ZNF536: variants seen among roughly 807,000 people sequenced by gnomAD.
ZNF536 encodes the protein zinc finger protein 536.
ZNF536 carries 13 observed loss-of-function variants against 84.5 expected under a neutral mutation model. The observed-to-expected ratio is 0.15, with a 90% CI of 0.10 to 0.24. The LOEUF (loss-of-function observed/expected upper bound fraction) is 0.24, where lower values mean the gene tolerates loss of function less well. Among genes scored for constraint, ZNF536 ranks in the 10% least tolerant of loss-of-function variants. The pLI, the probability that ZNF536 is intolerant of heterozygous loss-of-function variation, is 1.00. For missense variants in ZNF536, 1,536 were observed against 1,747.5 expected (o/e 0.88, Z 2.16); for synonymous variants, 811 against 742.5 (o/e 1.09, Z -1.50).
intron 2 of ZNF536, among the ~76,000 whole-genome samples, chr19:30,347,965 C>T (rs145346575): frequency 7.2e-5 from 11 of 152,364 alleles, no homozygotes; most frequent in Non-Finnish European, 1.3e-4. Flanking sequence ...CAACCCGCCA[C>T]GTGGGCATGC....
At chr19:30,536,171 G>T (rs571876675) in intron 3 of ZNF536, among the ~76,000 whole-genome samples, 1 of 152,026 alleles carries the variant, frequency 6.6e-6, no homozygotes, top group South Asian at 2.1e-4. Flanking sequence ...GCCTTGCCCC[G>T]GCCCCATCCT....
intron 1 of ZNF536, among the ~76,000 whole-genome samples, chr19:30,654,635 C>T (rs1228438847): frequency 2.6e-5 from 4 of 152,152 alleles, no homozygotes; most frequent in Admixed American, 1.3e-4. Flanking sequence ...CTATCTAGGT[C>T]TTTAGTTCTT....
chr19:30,683,899 C>A (rs1401799968), intron 1 of ZNF536, among the ~76,000 whole-genome samples: 1 of 152,188 alleles, frequency 6.6e-6, no homozygotes. Context: ...TTAATCAGAG[C>A]AACATGGAAT....
At chr19:30,647,477 T>C (rs1373970026) in intron 1 of ZNF536, among the ~76,000 whole-genome samples, 1 of 152,234 alleles carries the variant, frequency 6.6e-6, no homozygotes. Context: ...CACTCTAATT[T>C]CTTTCTCACC....
intron 2 of ZNF536, among the ~76,000 whole-genome samples, chr19:30,284,505 T>C (rs2045563232): frequency 6.6e-6 from 1 of 152,222 alleles, no homozygotes; most frequent in Non-Finnish European, 1.5e-5. Flanking sequence ...CCACCTGTGG[T>C]CGGGCTCCCC....
intron 2 of ZNF536, among the ~76,000 whole-genome samples, chr19:30,467,254 C>T (rs1383039709): frequency 6.6e-6 from 1 of 152,212 alleles, no homozygotes; most frequent in Non-Finnish European, 1.5e-5. Flanking sequence ...ACTCTGTACC[C>T]ATTCACCACA....
chr19:30,408,474 T>C (rs2050354262), intron 1 of ZNF536, among the ~76,000 whole-genome samples: 1 of 152,156 alleles, frequency 6.6e-6, no homozygotes, highest in South Asian at 2.1e-4. Context: ...GGCCACAGCC[T>C]TTTCTCCAGG....
intron 1 of ZNF536, among the ~76,000 whole-genome samples, chr19:30,659,627 G>C (rs2050045958): frequency 6.6e-6 from 1 of 152,218 alleles, no homozygotes; most frequent in Non-Finnish European, 1.5e-5. Flanking sequence ...GGCAAGAGTA[G>C]AAGTGCCAGC....
intron 3 of ZNF536, among the ~76,000 whole-genome samples, chr19:30,361,530 G>A (rs1431909374): frequency 6.6e-6 from 1 of 152,110 alleles, no homozygotes; most frequent in Non-Finnish European, 1.5e-5. Context: ...TATGGAGGGA[G>A]GGCATCCGGG....
At chr19:30,555,600 C>T (rs528336422) in intron 4 of ZNF536, 3 of 152,326 alleles carry the variant, frequency 2.0e-5, no homozygotes, top group South Asian at 2.1e-4. Context: ...GGAAATGAGT[C>T]CTGCCCTGCC....
intron 1 of ZNF536, among the ~76,000 whole-genome samples, chr19:30,437,706 G>T (rs1726264287): frequency 6.6e-6 from 1 of 152,114 alleles, no homozygotes; most frequent in African/African-American, 2.4e-5. Context: ...CAGGACTGGG[G>T]GGGAATGTTG....
At chr19:30,526,988 G>T (rs1050026557) in intron 2 of ZNF536, among the ~76,000 whole-genome samples, 1 of 151,398 alleles carries the variant, frequency 6.6e-6, no homozygotes, top group African/African-American at 2.4e-5. Context: ...GTGTGAACTC[G>T]GCTCGCTGCA....
chr19:30,608,852 T>C (rs2047990833), intron 1 of ZNF536, among the ~76,000 whole-genome samples: 1 of 152,078 alleles, frequency 6.6e-6, no homozygotes, highest in Non-Finnish European at 1.5e-5. Flanking sequence ...GCCTAAGGAG[T>C]GGGCATGGGA....
intron 1 of ZNF536, among the ~76,000 whole-genome samples, chr19:30,568,453 T>C (rs891044001): frequency 2.6e-5 from 4 of 152,220 alleles, no homozygotes; most frequent in African/African-American, 9.7e-5. Flanking sequence ...AAGATGAGGA[T>C]TTCTTTACAT....
chr19:30,614,827 G>A (rs111457818), intron 1 of ZNF536, among the ~76,000 whole-genome samples: 1,977 of 149,870 alleles, frequency 0.013, 35 homozygotes, highest in African/African-American at 0.045. Flanking sequence ...TTTTATCATA[G>A]TGAGGTTTTA....
chr19:30,285,551 C>T (rs899366007), intron 2 of ZNF536, among the ~76,000 whole-genome samples: 3 of 152,214 alleles, frequency 2.0e-5, no homozygotes, highest in African/African-American at 7.2e-5. Flanking sequence ...TTCCTCCCCT[C>T]TGTCACCTGC....
chr19:30,594,215 C>T (rs570043089), intron 1 of ZNF536, among the ~76,000 whole-genome samples: 1 of 152,230 alleles, frequency 6.6e-6, no homozygotes, highest in Non-Finnish European at 1.5e-5. Flanking sequence ...TGTCACCATG[C>T]CCAGGAACAG....
chr19:30,297,903 TCC>T (rs11291289), intron 2 of ZNF536, among the ~76,000 whole-genome samples: 1 of 126,374 alleles, frequency 7.9e-6, no homozygotes, highest in African/African-American at 3.1e-5. Context: ...CAAGACGGAG[TCC>T]CCCCCCCCTC....
chr19:30,493,464 G>T (rs573214973), intron 2 of ZNF536, among the ~76,000 whole-genome samples: 2 of 152,250 alleles, frequency 1.3e-5, no homozygotes, highest in African/African-American at 4.8e-5. Context: ...ACTTAGCACA[G>T]AAATTGAAAA....
Sources: allele counts gnomAD v4.1 joint callset (sites outside exome capture counted in the v4.1 genomes callset), GRCh38; gene constraint gnomAD v4.1.1; transcripts MANE v1.5; gene names NCBI Gene and HGNC (gene_info 2026-07-23, HGNC 2026-07-21).